Variants in SLC25A12 observed in about 807,000 individuals in gnomAD.
SLC25A12 encodes the protein solute carrier family 25 member 12.
A neutral mutation model predicts 83.3 loss-of-function variants in SLC25A12; 32 were observed. The observed-to-expected ratio is 0.38, with a 90% confidence interval of 0.29 to 0.52. SLC25A12 has a LOEUF of 0.52. SLC25A12 is among the 20% of genes least tolerant of loss of function. The pLI, the probability that SLC25A12 is intolerant of heterozygous loss-of-function variation, is 0.84. For synonymous variants in SLC25A12, 267 were observed against 291.1 expected, an observed-to-expected ratio of 0.92 and a Z score of 0.84; for missense variants, 611 against 835.6, an observed-to-expected ratio of 0.73 and a Z score of 3.31.
At chr2:171,890,834 C>T (rs1253607791) in intron 2 of SLC25A12, among the ~76,000 whole-genome samples, 1 of 152,084 alleles carries the variant, frequency 6.6e-6, no homozygotes, top group African/African-American at 2.4e-5. Flanking sequence ...TGAGTATTTA[C>T]ATTCTATCAC....
At chr2:171,858,130 T>C (rs150586716) in intron 3 of SLC25A12, among the ~76,000 whole-genome samples, 150 of 152,144 alleles carry the variant, frequency 9.9e-4, no homozygotes, top group Middle Eastern at 3.4e-3. Context: ...TCATTAGTAA[T>C]GAGTGTCCAA....
At chr2:171,852,160 C>T (rs1314451376) in intron 4 of SLC25A12, among the ~76,000 whole-genome samples, 1 of 152,142 alleles carries the variant, frequency 6.6e-6, no homozygotes, top group South Asian at 2.1e-4. Context: ...ACTCCAGAAC[C>T]CTTTCCTGAG....
Position 171,875,010 on chromosome 2 carries a change from T to A in SLC25A12, c.67-6187A>T, listed in dbSNP as rs192169358. On this transcript the variant is annotated intron_variant, in intron 2 of 17. Transcript: ENST00000422440. Reference sequence around the variant, plus strand: ...ATTGGCTGTTCGCAATCAGACCGACTGCAGGCAGACTCTTCCTTTGCATAG... The same window carrying A: ...ATTGGCTGTTCGCAATCAGACCGACAGCAGGCAGACTCTTCCTTTGCATAG... 1.5e-3 allele frequency among the ~76,000 whole-genome samples: 229 copies of A among 152,368 alleles called. 4 individuals are homozygous for A. Among genetic ancestry groups the A allele is most frequent in the Admixed American group, 2.0e-3 (31 of 15,304 alleles).
chr2:171,844,918 G>A (rs1273865087), intron 4 of SLC25A12, among the ~76,000 whole-genome samples: 1 of 152,054 alleles, frequency 6.6e-6, no homozygotes, highest in Non-Finnish European at 1.5e-5. Context: ...TGCAATATTT[G>A]TCATACTAAG....
intron 13 of SLC25A12, among the ~76,000 whole-genome samples, chr2:171,806,121 A>T (rs992765217): frequency 6.6e-6 from 1 of 152,152 alleles, no homozygotes; most frequent in Non-Finnish European, 1.5e-5. Context: ...TCAAAAAAGA[A>T]GAAAAACAAA....
At chr2:171,831,929 C>T (rs181562435) in intron 8 of SLC25A12, among the ~76,000 whole-genome samples, 1 of 151,236 alleles carries the variant, frequency 6.6e-6, no homozygotes, top group Non-Finnish European at 1.5e-5. Flanking sequence ...GAAAGAAAAA[C>T]GTAACAACAG....
At chr2:171,873,766 A>G (rs914993040) in intron 2 of SLC25A12, among the ~76,000 whole-genome samples, 2 of 152,054 alleles carry the variant, frequency 1.3e-5, no homozygotes, top group Admixed American at 6.6e-5. Flanking sequence ...ATCCAAATAT[A>G]TGTGTGTATA....
chr2:171,841,723 T>C (rs1684676962), intron 5 of SLC25A12, among the ~76,000 whole-genome samples: 1 of 152,138 alleles, frequency 6.6e-6, no homozygotes, highest in African/African-American at 2.4e-5. Flanking sequence ...TTTATTCCAC[T>C]TTCCTCAAGA....
chr2:171,806,958 A>C (rs1049280101), intron 13 of SLC25A12, among the ~76,000 whole-genome samples: 4 of 152,166 alleles, frequency 2.6e-5, no homozygotes, highest in African/African-American at 9.7e-5. Context: ...TCATTTAGGA[A>C]ATGGAGTATC....
intron 4 of SLC25A12, 28 bp from the exon 5 acceptor site, chr2:171,844,536 A>G (rs1381889021): frequency 6.9e-7 from 1 of 1,454,518 alleles, no homozygotes; most frequent in Non-Finnish European, 9.7e-7. Flanking sequence ...AAATAAATCA[A>G]TTATATCTGG....
chr2:171,815,012 G>T, intron 10 of SLC25A12, 109 bp downstream of exon 10: 1 of 866,852 alleles, frequency 1.2e-6, no homozygotes, highest in South Asian at 1.3e-5. Flanking sequence ...AAGCCCTGAA[G>T]TCGTGACCCA....
intron 13 of SLC25A12, chr2:171,809,352 C>T: frequency 2.0e-6 from 1 of 492,172 alleles, no homozygotes; most frequent in Non-Finnish European, 3.7e-6. Flanking sequence ...TTCTCCACAT[C>T]CTCTCCAGCA....
intron 8 of SLC25A12, among the ~76,000 whole-genome samples, chr2:171,832,169 T>C (rs553764944): frequency 6.6e-6 from 1 of 152,284 alleles, no homozygotes; most frequent in South Asian, 2.1e-4. Flanking sequence ...ATAGGCCCAG[T>C]AGCTGTGTTC....
At chr2:171,864,759 A>G (rs977811676) in intron 3 of SLC25A12, among the ~76,000 whole-genome samples, 1 of 152,150 alleles carries the variant, frequency 6.6e-6, no homozygotes, top group Non-Finnish European at 1.5e-5. Context: ...TGACCACCCA[A>G]AACAGTTAAC....
At chr2:171,818,642 C>T (rs1227883079) in intron 9 of SLC25A12, among the ~76,000 whole-genome samples, 4 of 151,834 alleles carry the variant, frequency 2.6e-5, no homozygotes, top group Admixed American at 2.6e-4. Context: ...CATGGTAGTA[C>T]ATGCCTGTGG....
chr2:171,874,990 C>G (rs1046364148), intron 2 of SLC25A12, among the ~76,000 whole-genome samples: 1 of 152,192 alleles, frequency 6.6e-6, no homozygotes, highest in Non-Finnish European at 1.5e-5. Flanking sequence ...GGGAAATTGG[C>G]TGTTCGCAAT....
At chr2:171,883,469 C>T (rs1685738854) in intron 2 of SLC25A12, among the ~76,000 whole-genome samples, 1 of 152,168 alleles carries the variant, frequency 6.6e-6, no homozygotes. Flanking sequence ...TTTCATCCAG[C>T]TCAAGATGTT....
At chr2:171,881,634 T>C (rs920003840) in intron 2 of SLC25A12, among the ~76,000 whole-genome samples, 2 of 152,222 alleles carry the variant, frequency 1.3e-5, no homozygotes, top group African/African-American at 4.8e-5. Flanking sequence ...TTCAGCTTTA[T>C]ACAGAATGTT....
At chr2:171,848,354 C>T (rs1684843478) in intron 4 of SLC25A12, 2 of 459,282 alleles carry the variant, frequency 4.4e-6, no homozygotes, top group Admixed American at 2.4e-5. Flanking sequence ...TCCAAGGATT[C>T]CAGCCCAGCA....
Sources: gnomAD v4.1 joint callset for allele counts (sites outside exome capture counted in the v4.1 genomes callset) on GRCh38, gnomAD v4.1.1 for gene constraint, MANE v1.5 for transcripts, NCBI Gene and HGNC (gene_info 2026-07-23, HGNC 2026-07-21) for gene names.